The following HHAT variants were observed in gnomAD, a reference collection of about 807,000 sequenced individuals.
The protein encoded by HHAT is protein-cysteine N-palmitoyltransferase HHAT.
Under a neutral mutation model 70.8 loss-of-function variants are expected in HHAT, and 47 were observed. That is an observed-to-expected ratio of 0.66 (90% CI 0.53 to 0.85). HHAT has a LOEUF of 0.85. HHAT is among the 40% of genes least tolerant of loss of function. HHAT has a pLI of 0.00. For missense variants in HHAT, 609 were observed against 604.8 expected (o/e 1.01, Z -0.07); for synonymous variants, 228 against 247.6 (o/e 0.92, Z 0.74).
At chr1:210,627,815 A>G (rs918965453) in intron 11 of HHAT, among the ~76,000 whole-genome samples, 2 of 152,178 alleles carry the variant, frequency 1.3e-5, no homozygotes, top group Admixed American at 1.3e-4. Flanking sequence ...AGGGCTCACA[A>G]ACTTTATTTA....
Position 210,674,273 on chromosome 1 carries a change from G to C in HHAT, c.1391-15G>C, listed in dbSNP as rs1418695494. ...CATTTCTAACTGCTCTTCCATCTCTGTCCTCCCTCTGCAGGCTGGCCTTGG... is the reference window on the plus strand; with the variant it reads ...CATTTCTAACTGCTCTTCCATCTCTCTCCTCCCTCTGCAGGCTGGCCTTGG... On this transcript the variant is annotated splice_polypyrimidine_tract_variant and intron_variant, in intron 11 of 11. Coordinates refer to ENST00000261458, the MANE Select transcript of HHAT (RefSeq NM_018194.6). 1.9e-6 allele frequency: 3 copies of C among 1,604,416 alleles called. No homozygotes were observed. The Admixed American group carries it at 5.0e-5, about 27-fold the overall frequency.
chr1:210,547,160 T>A (rs903642075), intron 9 of HHAT, among the ~76,000 whole-genome samples: 4 of 152,092 alleles, frequency 2.6e-5, no homozygotes, highest in African/African-American at 4.8e-5. Context: ...TGGAACCCCG[T>A]TGCTACTAAA....
chr1:210,530,701 C>G (rs1157916100), intron 9 of HHAT, among the ~76,000 whole-genome samples: 2 of 152,094 alleles, frequency 1.3e-5, no homozygotes, highest in Non-Finnish European at 2.9e-5. Context: ...CTGGGTTGTT[C>G]TTTTACACAA....
At chr1:210,559,825 TG>T (rs2095605330) in intron 9 of HHAT, among the ~76,000 whole-genome samples, 2 of 152,350 alleles carry the variant, frequency 1.3e-5, no homozygotes, top group Admixed American at 1.3e-4. Context: ...GGTATTTTTT[TG>T]TGTGTGACAT....
intron 4 of HHAT, among the ~76,000 whole-genome samples, chr1:210,397,999 T>C (rs573509936): frequency 7.2e-4 from 109 of 152,380 alleles, no homozygotes; most frequent in South Asian, 3.1e-3. Flanking sequence ...TTTACTTGTT[T>C]GTTTGTTACT....
chr1:210,383,670 A>G (rs144519918), intron 3 of HHAT, among the ~76,000 whole-genome samples: 1 of 152,322 alleles, frequency 6.6e-6, no homozygotes, highest in African/African-American at 2.4e-5. Context: ...CAGTTGGAAC[A>G]AATATATTAC....
intron 8 of HHAT, among the ~76,000 whole-genome samples, chr1:210,487,465 A>C (rs1392983281): frequency 6.6e-6 from 1 of 152,146 alleles, no homozygotes; most frequent in Non-Finnish European, 1.5e-5. Context: ...TCTGAAGGGA[A>C]GTTCACAGTG....
intron 3 of HHAT, among the ~76,000 whole-genome samples, chr1:210,383,008 C>T (rs192397978): frequency 4.7e-4 from 72 of 152,198 alleles, no homozygotes; most frequent in African/African-American, 1.5e-3. Flanking sequence ...ATTTGTAACA[C>T]GGAGTTAGAC....
At chr1:210,331,637 T>G (rs187302891) in intron 1 of HHAT, among the ~76,000 whole-genome samples, 160 of 152,276 alleles carry the variant, frequency 1.1e-3, no homozygotes, top group Non-Finnish European at 1.9e-3. Context: ...CTGAGATAGG[T>G]GATCATGCAC....
At chr1:210,335,536 G>A (rs2085405982) in intron 1 of HHAT, among the ~76,000 whole-genome samples, 1 of 152,166 alleles carries the variant, frequency 6.6e-6, no homozygotes, top group East Asian at 1.9e-4. Context: ...TAAGCTACTA[G>A]ATCAATATGT....
chr1:210,558,457 G>A (rs373061754), intron 9 of HHAT, among the ~76,000 whole-genome samples: 3 of 152,226 alleles, frequency 2.0e-5, no homozygotes, highest in African/African-American at 4.8e-5. Context: ...GATGCTGGCC[G>A]CCTGCCAGGA....
intron 2 of HHAT, among the ~76,000 whole-genome samples, chr1:210,356,890 G>A (rs894832365): frequency 6.6e-6 from 1 of 152,222 alleles, no homozygotes; most frequent in African/African-American, 2.4e-5. Context: ...CTTGGAACCA[G>A]GTGAGCTGAC....
intron 4 of HHAT, among the ~76,000 whole-genome samples, chr1:210,390,919 G>A (rs1180304268): frequency 6.6e-6 from 1 of 152,170 alleles, no homozygotes; most frequent in African/African-American, 2.4e-5. Context: ...ACTTAGATTG[G>A]TTTCATATCT....
intron 11 of HHAT, among the ~76,000 whole-genome samples, chr1:210,667,862 T>A (rs1679249609): frequency 1.3e-5 from 2 of 152,238 alleles, no homozygotes; most frequent in Admixed American, 1.3e-4. Flanking sequence ...TAACCATTTT[T>A]AGGTGGCATT....
chr1:210,521,072 T>G (rs1341903195), intron 9 of HHAT, among the ~76,000 whole-genome samples: 1 of 152,230 alleles, frequency 6.6e-6, no homozygotes, highest in Non-Finnish European at 1.5e-5. Flanking sequence ...TAGTCCTTAA[T>G]ATAGTCCTTA....
chr1:210,555,743 G>C (rs1482641035), intron 9 of HHAT, among the ~76,000 whole-genome samples: 8 of 152,152 alleles, frequency 5.3e-5, no homozygotes, highest in African/African-American at 1.9e-4. Flanking sequence ...AGACATCCGG[G>C]ACAGAAATGG....
At chr1:210,573,821 C>A (rs1338335563) in intron 9 of HHAT, among the ~76,000 whole-genome samples, 1 of 152,162 alleles carries the variant, frequency 6.6e-6, no homozygotes, top group Non-Finnish European at 1.5e-5. Flanking sequence ...CAGACATAAA[C>A]AATGACACTT....
At chr1:210,376,189 A>G (rs545125926) in intron 3 of HHAT, among the ~76,000 whole-genome samples, 5 of 152,026 alleles carry the variant, frequency 3.3e-5, no homozygotes, top group Non-Finnish European at 7.4e-5. Context: ...TATGTAATCT[A>G]CTTTTGCTAT....
chr1:210,467,158 A>G (rs1018348370), intron 8 of HHAT, among the ~76,000 whole-genome samples: 7 of 152,162 alleles, frequency 4.6e-5, no homozygotes, highest in Non-Finnish European at 1.0e-4. Context: ...TTTCCAGGCT[A>G]CTAATTATAC....
Sources: gnomAD v4.1 joint callset for allele counts (sites outside exome capture counted in the v4.1 genomes callset) on GRCh38, gnomAD v4.1.1 for gene constraint, MANE v1.5 for transcripts, NCBI Gene and HGNC (gene_info 2026-07-23, HGNC 2026-07-21) for gene names.